Variants in RORA observed in about 807,000 individuals in gnomAD.
RORA encodes the protein nuclear receptor ROR-alpha.
RORA carries 7 observed loss-of-function variants against 69.5 expected under a neutral mutation model. That is an observed-to-expected ratio of 0.10 (90% CI 0.06 to 0.19). The LOEUF (loss-of-function observed/expected upper bound fraction) is 0.19. Among genes scored for constraint, RORA ranks in the 10% least tolerant of loss-of-function variants. The probability of loss-of-function intolerance (pLI) is 1.00; values close to 1 mark genes in which losing one functional copy is unlikely to be tolerated. For missense variants in RORA, 457 were observed against 663.0 expected, an observed-to-expected ratio of 0.69 and a Z score of 3.41; for synonymous variants, 261 against 240.8, an observed-to-expected ratio of 1.08 and a Z score of -0.78.
chr15:60,497,579 C>T lies in RORA; in HGVS notation c.1448G>A (p.Arg483Gln), dbSNP rs202061612. 2.5e-6 allele frequency: 4 copies of T among 1,612,544 alleles called. No homozygotes were observed. The highest frequency in any genetic ancestry group is 8.5e-7 in the Non-Finnish European group (1 of 1,178,588). ...AAATGCCATTAGCTTTTCTGTATGT[C>T]GTCCACATAAGGCTCTTAAGGTAGA... ...KVSTLRALCG[R>Q]HTEKLMAFKA... The change falls in exon 11 of 11, where the codon CGA becomes CAA. Residue 483 changes from arginine (R) to glutamine (Q), a missense_variant. Arg to Gln is a conservative substitution (Grantham distance 43). This residue lies in a region of RORA where 304 missense variants were observed against 447.4 expected (regional missense o/e 0.68). Coordinates refer to ENST00000335670, the MANE Select transcript of RORA (RefSeq NM_134261.3).
chr15:60,590,738 G>T (rs2068477057), intron 2 of RORA, among the ~76,000 whole-genome samples: 1 of 152,120 alleles, frequency 6.6e-6, no homozygotes, highest in Non-Finnish European at 1.5e-5. Flanking sequence ...ATAAGAAGTC[G>T]ATAAGAAATC....
intron 1 of RORA, among the ~76,000 whole-genome samples, chr15:61,123,481 G>A (rs1446669160): frequency 1.3e-5 from 2 of 152,140 alleles, no homozygotes; most frequent in Non-Finnish European, 2.9e-5. Context: ...CCCCTGAGGA[G>A]TTTCACGTGT....
chr15:60,776,449 C>T (rs143335276), intron 1 of RORA, among the ~76,000 whole-genome samples: 136 of 152,292 alleles, frequency 8.9e-4, no homozygotes, highest in African/African-American at 3.0e-3. Context: ...GCCTGGGAGG[C>T]TAGTGAGCAC....
chr15:61,217,862 T>C (rs1009781820), intron 1 of RORA, among the ~76,000 whole-genome samples: 6 of 152,210 alleles, frequency 3.9e-5, no homozygotes, highest in Non-Finnish European at 8.8e-5. Context: ...GGCATAAAGA[T>C]ACTGTATGAT....
At chr15:61,190,903 A>G (rs1330902696) in intron 1 of RORA, among the ~76,000 whole-genome samples, 1 of 152,098 alleles carries the variant, frequency 6.6e-6, no homozygotes, top group East Asian at 1.9e-4. Flanking sequence ...TATGAATCTC[A>G]TTTTCCCACT....
intron 1 of RORA, among the ~76,000 whole-genome samples, chr15:61,020,047 G>A (rs2140413511): frequency 6.6e-6 from 1 of 152,314 alleles, no homozygotes; most frequent in South Asian, 2.1e-4. Context: ...ACATTTGCAA[G>A]TGTCTGCTGG....
chr15:60,900,053 T>C (rs776505662), intron 1 of RORA, among the ~76,000 whole-genome samples: 28 of 142,980 alleles, frequency 2.0e-4, no homozygotes, highest in Non-Finnish European at 3.9e-4. Context: ...CAGCTCCTTT[T>C]CTGAGTTGCT....
chr15:60,988,676 C>G (rs1228713808), intron 1 of RORA, among the ~76,000 whole-genome samples: 1 of 152,184 alleles, frequency 6.6e-6, no homozygotes, highest in Non-Finnish European at 1.5e-5. Context: ...CTGTCTCTGT[C>G]TATTCCCACC....
At chr15:60,656,157 A>G (rs2070218424) in intron 2 of RORA, among the ~76,000 whole-genome samples, 1 of 152,194 alleles carries the variant, frequency 6.6e-6, no homozygotes, top group Admixed American at 6.5e-5. Flanking sequence ...GAATTTAGGA[A>G]GAGAGAGGTT....
chr15:60,562,910 T>C (rs770495580), intron 2 of RORA, among the ~76,000 whole-genome samples: 4 of 152,322 alleles, frequency 2.6e-5, no homozygotes, highest in Non-Finnish European at 4.4e-5. Context: ...AAATTCTTGG[T>C]AAACAATTTA....
chr15:60,523,916 C>T (rs868539024), intron 3 of RORA, among the ~76,000 whole-genome samples: 1 of 152,182 alleles, frequency 6.6e-6, no homozygotes, highest in East Asian at 1.9e-4. Context: ...TTTAAGTGAT[C>T]CTTCTGCCTA....
intron 1 of RORA, among the ~76,000 whole-genome samples, chr15:60,872,123 A>G (rs2073563401): frequency 7.2e-6 from 1 of 139,092 alleles, no homozygotes; most frequent in Admixed American, 7.0e-5. Context: ...TAGCAAAATA[A>G]GCACTAGTCT....
chr15:60,571,952 A>G (rs1259604857), intron 2 of RORA, among the ~76,000 whole-genome samples: 2 of 152,230 alleles, frequency 1.3e-5, no homozygotes, highest in African/African-American at 4.8e-5. Context: ...TTATGTAAAC[A>G]GAATAATACC....
At chr15:60,865,010 A>G (rs546630308) in intron 1 of RORA, among the ~76,000 whole-genome samples, 7 of 152,232 alleles carry the variant, frequency 4.6e-5, no homozygotes, top group Non-Finnish European at 1.0e-4. Flanking sequence ...AAGAAAGTTG[A>G]TGCTGTGAAG....
At chr15:61,066,418 CTTTTTTTTTTTTTTTTT>C (rs1168663714) in intron 1 of RORA, among the ~76,000 whole-genome samples, 2 of 80,918 alleles carry the variant, frequency 2.5e-5, no homozygotes, top group South Asian at 4.5e-4. Context: ...GGGCATATTC[CTTTTTTTTTTTTTTTTT>C]TTTTTTTTGA....
intron 5 of RORA, among the ~76,000 whole-genome samples, chr15:60,509,163 A>C (rs2065610302): frequency 6.6e-6 from 1 of 152,212 alleles, no homozygotes; most frequent in South Asian, 2.1e-4. Context: ...GTAGCTTTGG[A>C]GAAGCAGCAA....
chr15:60,783,389 T>C (rs771254948), intron 1 of RORA, among the ~76,000 whole-genome samples: 1 of 152,222 alleles, frequency 6.6e-6, no homozygotes, highest in Non-Finnish European at 1.5e-5. Flanking sequence ...AAAAATTATA[T>C]GTATTTATTG....
chr15:60,591,309 G>T (rs949379329), intron 2 of RORA, among the ~76,000 whole-genome samples: 1 of 152,102 alleles, frequency 6.6e-6, no homozygotes, highest in African/African-American at 2.4e-5. Flanking sequence ...GCGGGCGGCG[G>T]GCGGCGTGCT....
chr15:60,781,516 C>T (rs1385462684), intron 1 of RORA, among the ~76,000 whole-genome samples: 1 of 152,154 alleles, frequency 6.6e-6, no homozygotes, highest in Non-Finnish European at 1.5e-5. Context: ...CGCAGCTGAT[C>T]TGTAACTCCA....
Sources: allele counts gnomAD v4.1 joint callset (sites outside exome capture counted in the v4.1 genomes callset), GRCh38; gene constraint gnomAD v4.1.1; regional missense constraint gnomAD v4.1.1; transcripts MANE v1.5; gene names NCBI Gene and HGNC (gene_info 2026-07-23, HGNC 2026-07-21).